The following NBEAL1 variants were observed in gnomAD, a reference collection of about 807,000 sequenced individuals.
NBEAL1 encodes the protein neurobeachin like 1.
In NBEAL1, 273 loss-of-function variants were observed where a neutral mutation model predicts 351.3. That is an observed-to-expected ratio of 0.78 (90% CI 0.70 to 0.86). NBEAL1 has a LOEUF of 0.86. Among genes scored for constraint, NBEAL1 ranks in the 40% least tolerant of loss-of-function variants. The pLI is 0.00. For synonymous variants in NBEAL1, 1,050 were observed against 1,086.4 expected (o/e 0.97, Z 0.66); for missense variants, 2,961 against 3,201.3 (o/e 0.92, Z 1.81).
At chr2:203,057,087 T>A (rs1287774339) in intron 5 of NBEAL1, among the ~76,000 whole-genome samples, 1 of 152,224 alleles carries the variant, frequency 6.6e-6, no homozygotes, top group East Asian at 1.9e-4. Flanking sequence ...GATTTTTATG[T>A]ATTATTTATT....
At chr2:203,098,600 T>C (rs2062235300) in intron 11 of NBEAL1, among the ~76,000 whole-genome samples, 1 of 152,162 alleles carries the variant, frequency 6.6e-6, no homozygotes, top group South Asian at 2.1e-4. Context: ...TTAGTTTTTG[T>C]TTTTGCTATA....
intron 6 of NBEAL1, among the ~76,000 whole-genome samples, chr2:203,063,284 T>C (rs1234924773): frequency 6.6e-6 from 1 of 151,056 alleles, no homozygotes; most frequent in Non-Finnish European, 1.5e-5. Flanking sequence ...AGACCCCATC[T>C]AGAAAAAAAA....
At chr2:203,033,963 T>C (rs2060996261) in intron 2 of NBEAL1, among the ~76,000 whole-genome samples, 2 of 152,148 alleles carry the variant, frequency 1.3e-5, no homozygotes, top group Middle Eastern at 3.2e-3. Flanking sequence ...CCCCCCACCC[T>C]TGACAGAATC....
chr2:203,132,064 T>G lies in NBEAL1; in HGVS notation c.3656T>G (p.Leu1219Arg). Residue 1219 changes from leucine to arginine, a missense_variant, in exon 26 of 56, where the codon CTC becomes CGC. Coordinates refer to ENST00000683969, the MANE Select transcript of NBEAL1 (RefSeq NM_001378026.1). ...GAAGTTGGCTACTCGGGACTGGGAC[T>G]CCTTCTTAATGAAGCACTTGTTAAT... is the stretch of plus-strand genomic sequence containing the variant. ...LREVGYSGLG[L>R]LLNEALVNTS... The G allele has an allele frequency of 3.2e-6, 5 of 1,552,824 alleles. No homozygotes were observed. Among genetic ancestry groups the G allele is most frequent in the Non-Finnish European group, 4.4e-6 (5 of 1,146,300 alleles).
Position 203,210,085 on chromosome 2 carries a change from G to A in NBEAL1, c.7785+763G>A, listed in dbSNP as rs1051944861. On this transcript the variant is annotated intron_variant, in intron 53 of 55. Transcript: ENST00000683969. ...TCAATATTAAGAGTTTTGGGGGGCC[G>A]CGAGTGGTGGCTCACTCCTGTAATC... Among the ~76,000 whole-genome samples, 9 of 152,174 alleles carry A rather than the reference G, an allele frequency of 5.9e-5. No individual in the cohort carries two copies. The East Asian group carries it at 1.7e-3, about 29-fold the overall frequency.
chr2:203,130,279 G>T, intron 24 of NBEAL1, 39 bp from the exon 25 acceptor site: 1 of 1,491,850 alleles, frequency 6.7e-7, no homozygotes, highest in Non-Finnish European at 8.9e-7. Flanking sequence ...TTGTATATAT[G>T]AATGTGGTGG....
At position 203,208,768 on chromosome 2, in the gene NBEAL1, T is replaced by A; in HGVS notation, c.7623+15T>A. Reference sequence around the variant, plus strand: ...CAGGATCAAGGGTAAGATTTCACCTTTAAGAAATACTATTTATTTTGTCTA... The same window carrying A: ...CAGGATCAAGGGTAAGATTTCACCTATAAGAAATACTATTTATTTTGTCTA... On this transcript the variant is annotated intron_variant, in intron 52 of 55. Transcript: ENST00000683969. 4 of 1,528,192 alleles carry A rather than the reference T, an allele frequency of 2.6e-6. 1 individual carries two copies. In the South Asian group the frequency reaches 3.6e-5, roughly 14 times the overall value. 94.7% of individuals were successfully genotyped at this position (1,528,192 alleles called of 1,614,324 possible).
chr2:203,190,283 T>C lies in NBEAL1; in HGVS notation c.6824-9T>C, dbSNP rs964837969. On this transcript the variant is annotated splice_polypyrimidine_tract_variant and intron_variant, in intron 45 of 55. Transcript: ENST00000683969. ...CACTCTATAGTAAGTTGACTTCTTC[T>C]GGTTTTAGGAGCTGTGGATCTGGAT... The C allele has an allele frequency of 6.9e-6, 11 of 1,594,930 alleles. No homozygotes were observed. In the Admixed American group the frequency reaches 2.0e-4, roughly 29 times the overall value.
At chr2:203,182,801 T>C (rs2064770544) in intron 43 of NBEAL1, 1 of 152,294 alleles carries the variant, frequency 6.6e-6, no homozygotes, top group South Asian at 2.1e-4. Context: ...AAATGCCATG[T>C]TCTAACCTAT....
chr2:203,033,158 G>A (rs1038525039), intron 2 of NBEAL1, among the ~76,000 whole-genome samples: 2 of 151,840 alleles, frequency 1.3e-5, no homozygotes, highest in African/African-American at 4.8e-5. Context: ...CCGCCACCAC[G>A]CATGGCTAAT....
chr2:203,119,225 T>G (rs1302001705), intron 18 of NBEAL1, among the ~76,000 whole-genome samples: 1 of 151,412 alleles, frequency 6.6e-6, no homozygotes, highest in Non-Finnish European at 1.5e-5. Flanking sequence ...GGCCGTGCAG[T>G]GGTGCAATCA....
chr2:203,144,152 C>T (rs560088910), intron 31 of NBEAL1, among the ~76,000 whole-genome samples: 3 of 144,344 alleles, frequency 2.1e-5, no homozygotes, highest in African/African-American at 7.7e-5. Context: ...TGGAGGTTGC[C>T]GTGAGCCGAG....
At chr2:203,200,849 TG>T (rs906030014) in intron 49 of NBEAL1, among the ~76,000 whole-genome samples, 3 of 152,186 alleles carry the variant, frequency 2.0e-5, no homozygotes, top group African/African-American at 4.8e-5. Flanking sequence ...TTAAGGAAAA[TG>T]TTTTTTTTCC....
intron 12 of NBEAL1, among the ~76,000 whole-genome samples, chr2:203,103,714 G>A (rs1199200461): frequency 1.3e-5 from 2 of 152,130 alleles, no homozygotes; most frequent in Admixed American, 1.3e-4. Context: ...TGGATTTGCA[G>A]TCTTTCTAAC....
intron 7 of NBEAL1, among the ~76,000 whole-genome samples, chr2:203,075,528 G>A (rs938429067): frequency 6.6e-6 from 1 of 152,222 alleles, no homozygotes; most frequent in African/African-American, 2.4e-5. Flanking sequence ...TGCCGATCTT[G>A]TGGGCTATCA....
intron 2 of NBEAL1, among the ~76,000 whole-genome samples, chr2:203,036,804 A>AT (rs1430172189): frequency 6.7e-6 from 1 of 149,224 alleles, no homozygotes; most frequent in African/African-American, 2.4e-5. Context: ...ACCAGATACT[A>AT]TAGAGTTCCT....
intron 53 of NBEAL1, among the ~76,000 whole-genome samples, chr2:203,210,145 C>T (rs2105846369): frequency 6.7e-6 from 1 of 148,902 alleles, no homozygotes; most frequent in Non-Finnish European, 1.5e-5. Flanking sequence ...GGTGGATCAC[C>T]TGAGGTCAGG....
At chr2:203,079,085 T>C (rs1339639196) in intron 8 of NBEAL1, among the ~76,000 whole-genome samples, 1 of 152,088 alleles carries the variant, frequency 6.6e-6, no homozygotes, top group Non-Finnish European at 1.5e-5. Context: ...GTTTTGTTTG[T>C]TGTTGTTGTT....
chr2:203,210,926 G>C, intron 53 of NBEAL1, 32 bp from the exon 54 acceptor site: 1 of 1,399,234 alleles, frequency 7.1e-7, no homozygotes, highest in South Asian at 1.5e-5. Context: ...GTTTTTATTT[G>C]AAATTGTTGA....
Sources: gnomAD v4.1 joint callset for allele counts (sites outside exome capture counted in the v4.1 genomes callset) on GRCh38, gnomAD v4.1.1 for gene constraint, MANE v1.5 for transcripts, NCBI Gene and HGNC (gene_info 2026-07-23, HGNC 2026-07-21) for gene names.